Variants in COMP observed in about 807,000 individuals in gnomAD.
COMP encodes the protein cartilage oligomeric matrix protein.
A neutral mutation model predicts 95.8 loss-of-function variants in COMP; 79 were observed. That is an observed-to-expected ratio of 0.82 (90% CI 0.69 to 0.99). The LOEUF (loss-of-function observed/expected upper bound fraction) is 0.99. COMP is among the 50% of genes least tolerant of loss of function. The pLI is 0.00. For missense variants in COMP, 906 were observed against 1,076.1 expected, an observed-to-expected ratio of 0.84 and a Z score of 2.21; for synonymous variants, 438 against 433.9, an observed-to-expected ratio of 1.01 and a Z score of -0.12.
Position 18,782,848 on chromosome 19 carries a change from T to G in COMP, c.*67A>C. On this transcript the variant is annotated 3_prime_UTR_variant, in exon 19 of 19. Transcript: ENST00000222271. ...CCTCAGGACGGCCACCCCTTGGGGC[T>G]GGGTGCAGAGCCCCCATCCAGCCGC... 1 of 1,576,214 alleles carries G rather than the reference T, an allele frequency of 6.3e-7. No homozygotes were observed. The highest frequency in any genetic ancestry group is 8.7e-7 in the Non-Finnish European group (1 of 1,155,482).
chr19:18,785,309 C>T (rs1381954841), intron 15 of COMP, among the ~76,000 whole-genome samples, 189 bp downstream of exon 15: 1 of 151,524 alleles, frequency 6.6e-6, no homozygotes, highest in Non-Finnish European at 1.5e-5. Context: ...CCGAGCCCGC[C>T]CCTCCTCTGG....
In COMP at chr19:18,790,108, T is replaced by C; in HGVS notation, c.224A>G (p.Gln75Arg). The C allele has an allele frequency of 6.5e-7, 1 of 1,528,684 alleles. No homozygotes were observed. The highest frequency in any genetic ancestry group is 8.8e-7 in the Non-Finnish European group (1 of 1,140,306). The allele number at this position is 1,528,684 out of a possible 1,614,324, so 94.7% of individuals were successfully genotyped here. A position where few individuals can be genotyped will look rare whatever the true frequency, so the allele number is the denominator to read the frequency against. ...TVMECDACGMQQSVRTGLPSV... is the reference protein window; with the variant it reads ...TVMECDACGMRQSVRTGLPSV... ...GGGTAGGCCGGTGCGTACTGACTGC[T>C]GCATCCCTGCGGGGGGGAGGGGGGA... is the stretch of plus-strand genomic sequence containing the variant. The change falls in exon 4 of 19, where the codon CAG becomes CGG. Residue 75 changes from glutamine to arginine, a missense_variant. Gln to Arg is a conservative substitution (Grantham distance 43). Transcript: ENST00000222271.
chr19:18,784,319 A>G lies in COMP; in HGVS notation c.1959T>C (p.Ala653=). The G allele has an allele frequency of 6.2e-7, 1 of 1,614,034 alleles. No individual in the cohort carries two copies. The highest frequency in any genetic ancestry group is 8.5e-7 in the Non-Finnish European group (1 of 1,180,032). ...STGPGEQLRN[A]LWHTGDTESQ... is the part of the protein sequence containing the mutation. ...ACTCTGTGTCTCCTGTATGCCACAGAGCGTTCCGCAGCTGTTCCCCGGGGC... is the reference window on the plus strand; with the variant it reads ...ACTCTGTGTCTCCTGTATGCCACAGGGCGTTCCGCAGCTGTTCCCCGGGGC... The change falls in exon 17 of 19, where the codon GCT becomes GCC. Residue 653 remains alanine (A), a synonymous_variant. Transcript: ENST00000222271. The surrounding 1 kb of genome is among the most constrained non-coding windows in gnomAD (Gnocchi z 4.9).
intron 11 of COMP, 88 bp from the exon 12 acceptor site, chr19:18,786,379 C>A (rs1292161647): frequency 3.1e-6 from 5 of 1,594,310 alleles, no homozygotes; most frequent in East Asian, 4.5e-5. Context: ...CCAAGGTCCT[C>A]CTGACCCCAA....
chr19:18,788,353 G>A lies in COMP; in HGVS notation c.868-34C>T. 6.2e-7 allele frequency: 1 copy of A among 1,607,590 alleles called. No individual in the cohort carries two copies. The highest frequency in any genetic ancestry group is 8.5e-7 in the Non-Finnish European group (1 of 1,178,880). ...GGGCACAGAAGGTGTGAGGGGCGCG[G>A]TCATGAAGTCCCGCCCTCCCTCCTG... On this transcript the variant is annotated intron_variant, in intron 8 of 18. Transcript: ENST00000222271. This position sits in a 1 kb window ranked among gnomAD's most constrained non-coding sequence, Gnocchi z 4.7.
In COMP at chr19:18,788,830, G is replaced by C. The variant is rs1284668829; in HGVS notation, c.603+9C>G. On this transcript the variant is annotated intron_variant, in intron 6 of 18. Coordinates refer to ENST00000222271, the MANE Select transcript of COMP (RefSeq NM_000095.3). This position sits in a 1 kb window ranked among gnomAD's most constrained non-coding sequence, Gnocchi z 4.7. ...CCGCGATCCTTTCTTCCTCCCCAGC[G>C]GGCCTTACCCGGGTGTTGATGCACA... is the stretch of plus-strand genomic sequence containing the variant. 6.2e-7 allele frequency: 1 copy of C among 1,613,712 alleles called. No individual in the cohort carries two copies. Among genetic ancestry groups the C allele is most frequent in the Admixed American group, 1.7e-5 (1 of 59,988 alleles).
chr19:18,787,586 G>T lies in COMP; in HGVS notation c.1040C>A (p.Ala347Glu), dbSNP rs775435999. Residue 347 changes from alanine to glutamate, a missense_variant, in exon 10 of 19, where the codon GCG becomes GAG. Transcript: ENST00000222271. ...RNTDEDKWGDACDNCRSQKND... is the reference protein window; with the variant it reads ...RNTDEDKWGDECDNCRSQKND... ...CTTCTGGGACCGGCAGTTGTCGCAC[G>T]CATCGCCCCACTTGTCCTCGTCCGT... is the stretch of plus-strand genomic sequence containing the variant. The T allele has an allele frequency of 2.5e-6, 4 of 1,614,012 alleles. No homozygotes were observed. Among genetic ancestry groups the T allele is most frequent in the Non-Finnish European group, 3.4e-6 (4 of 1,180,026 alleles).
In COMP at chr19:18,782,886, T is replaced by C. The variant is rs1475069071; in HGVS notation, c.*29A>G. On this transcript the variant is annotated 3_prime_UTR_variant, in exon 19 of 19. Transcript: ENST00000222271. ...CCCATCCAGCCGCGGTGAGGGTGGC[T>C]GTCATCCGGCGGGTCCTCACCCTGG... is the stretch of plus-strand genomic sequence containing the variant. 2 of 1,608,936 alleles carry C rather than the reference T, an allele frequency of 1.2e-6. No individual in the cohort carries two copies. The highest frequency in any genetic ancestry group is 2.2e-5 in the East Asian group (1 of 44,872).
chr19:18,784,212 C>T lies in COMP; in HGVS notation c.2066G>A (p.Arg689Gln), dbSNP rs759480798. 5.6e-6 allele frequency: 9 copies of T among 1,613,766 alleles called. No individual in the cohort carries two copies. The highest frequency in any genetic ancestry group is 1.1e-5 in the South Asian group (1 of 91,060). Residue 689 changes from arginine (R) to glutamine (Q), a missense_variant, in exon 17 of 19, where the codon CGG becomes CAG. Arg to Gln is a conservative substitution (Grantham distance 43). Transcript: ENST00000222271. This position sits in a 1 kb window ranked among gnomAD's most constrained non-coding sequence, Gnocchi z 4.9. ...KKSYRWFLQHRPQVGYIRVRF... is the reference protein window; with the variant it reads ...KKSYRWFLQHQPQVGYIRVRF... ...CCACCTGATGTAGCCCACTTGGGGC[C>T]GGTGCTGCAGGAACCAACGATAGGA...
Position 18,784,705 on chromosome 19 carries a change from A to G in COMP, c.1914+191T>C, listed in dbSNP as rs1312525538. On this transcript the variant is annotated intron_variant, in intron 16 of 18. Coordinates refer to ENST00000222271, the MANE Select transcript of COMP (RefSeq NM_000095.3). The surrounding 1 kb of genome is among the most constrained non-coding windows in gnomAD (Gnocchi z 4.9). ...ATAGGAAGACTGGGGGGCCCTGAGA[A>G]TGTTTGAGAATTTGTGCAAGGAACT... Among the ~76,000 whole-genome samples the G allele has an allele frequency of 6.6e-6, 1 of 151,780 alleles. No individual in the cohort carries two copies. Among genetic ancestry groups the G allele is most frequent in the Non-Finnish European group, 1.5e-5 (1 of 67,978 alleles).
Position 18,784,056 on chromosome 19 carries a change from C to T in COMP, c.2087+135G>A, listed in dbSNP as rs2055146608. ...CACCACGCCTGGACCAGCATAGGCT[C>T]ATTCTAACTGCCCTGTATCTTTCCT... On this transcript the variant is annotated intron_variant, in intron 17 of 18. Coordinates refer to ENST00000222271, the MANE Select transcript of COMP (RefSeq NM_000095.3). This position sits in a 1 kb window ranked among gnomAD's most constrained non-coding sequence, Gnocchi z 4.9. 2 of 999,182 alleles carry T rather than the reference C, an allele frequency of 2.0e-6. No individual in the cohort carries two copies. The highest frequency in any genetic ancestry group is 3.1e-6 in the Non-Finnish European group (2 of 647,078). The allele number at this position is 999,182 out of a possible 1,614,324, so 61.9% of individuals were successfully genotyped here. A position where few individuals can be genotyped will look rare whatever the true frequency, so the allele number is the denominator to read the frequency against.
Position 18,787,547 on chromosome 19 carries a change from T to G in COMP, c.1079A>C (p.Lys360Thr), listed in dbSNP as rs1601055792. 1 of 1,613,404 alleles carries G rather than the reference T, an allele frequency of 6.2e-7. No homozygotes were observed. Among genetic ancestry groups the G allele is most frequent in the Non-Finnish European group, 8.5e-7 (1 of 1,179,890 alleles). Reference protein sequence around the residue: ...NCRSQKNDDQKDTDQDGRGDA... With the variant: ...NCRSQKNDDQTDTDQDGRGDA... ...GCCCCGGCCGTCCTGGTCTGTGTCC[T>G]TTTGGTCGTCGTTCTTCTGGGACCG... Residue 360 changes from lysine (K) to threonine (T), a missense_variant, in exon 10 of 19, where the codon AAG (lysine) becomes ACG (threonine). Coordinates refer to ENST00000222271, the MANE Select transcript of COMP (RefSeq NM_000095.3).
Position 18,784,398 on chromosome 19 carries a change from G to A in COMP, c.1915-35C>T, listed in dbSNP as rs773598513. On this transcript the variant is annotated intron_variant, in intron 16 of 18. Transcript: ENST00000222271. This position sits in a 1 kb window ranked among gnomAD's most constrained non-coding sequence, Gnocchi z 4.9. ...CCCAGGAAAGGTGGTCAGAGACCTC[G>A]TGGGCCACCGGAGCCCCCCTAGACA... The A allele has an allele frequency of 4.2e-5, 67 of 1,612,548 alleles. No homozygotes were observed. Among genetic ancestry groups the A allele is most frequent in the Non-Finnish European group, 5.0e-5 (59 of 1,179,392 alleles).
intron 10 of COMP, chr19:18,787,164 G>C: frequency 2.1e-6 from 1 of 469,094 alleles, no homozygotes; most frequent in Non-Finnish European, 3.9e-6. Context: ...GGGTGCCCGT[G>C]TGTGCCACCC....
At position 18,782,922 on chromosome 19, in the gene COMP, T is replaced by C. The variant is rs61752496; in HGVS notation, c.2267A>G (p.Gln756Arg). Residue 756 changes from glutamine (Q) to arginine (R), a missense_variant, in exon 19 of 19, where the codon CAA becomes CGA. Physicochemically the swap from Gln to Arg is conservative, Grantham distance 43. Coordinates refer to ENST00000222271, the MANE Select transcript of COMP (RefSeq NM_000095.3). The part of the protein sequence containing the change: ...PEDYETHQLR[Q>R]A ...GGGTCCTCACCCTGGTCCCTAGGCT[T>C]GCCGCAGCTGATGGGTCTCATAGTC... The C allele has an allele frequency of 0.012, 19,283 of 1,611,810 alleles. 1,656 individuals carry two copies. In the African/African-American group the frequency reaches 0.21, roughly 17 times the overall value.
At position 18,783,156 on chromosome 19, in the gene COMP, T is replaced by C. The variant is rs1219787441; in HGVS notation, c.2125A>G (p.Ser709Gly). 6.2e-6 allele frequency: 10 copies of C among 1,610,118 alleles called. No homozygotes were observed. Among genetic ancestry groups the C allele is most frequent in the Non-Finnish European group, 8.5e-6 (10 of 1,180,012 alleles). The change falls in exon 18 of 19, where the codon AGC (serine) becomes GGC (glycine). Residue 709 changes from serine (S) to glycine (G), a missense_variant. Transcript: ENST00000222271. ...FYEGPELVAD[S>G]NVVLDTTMRG... ...ATGGTTGTGTCCAAGACCACGTTGC[T>C]GTCGGCCACCAGCTCAGGGCCCTCA... is the stretch of plus-strand genomic sequence containing the variant.
chr19:18,788,863 G>A lies in COMP; in HGVS notation c.579C>T (p.Pro193=). ...ECETGQHNCV[P]NSVCINTRGS... ...CCCGGGTGTTGATGCACACGGAGTT[G>A]GGGACGCAGTTATGTTGCCCGGTCT... Residue 193 remains proline, a synonymous_variant, in exon 6 of 19, where the codon CCC becomes CCT. Coordinates refer to ENST00000222271, the MANE Select transcript of COMP (RefSeq NM_000095.3). The surrounding 1 kb of genome is among the most constrained non-coding windows in gnomAD (Gnocchi z 4.7). 1 of 1,613,940 alleles carries A rather than the reference G, an allele frequency of 6.2e-7. No individual in the cohort carries two copies. Among genetic ancestry groups the A allele is most frequent in the Non-Finnish European group, 8.5e-7 (1 of 1,179,976 alleles).
rs375959061 is a variant in COMP, at chr19:18,790,629, G to C, written c.166-16C>G. 16 of 1,613,726 alleles carry C rather than the reference G, an allele frequency of 9.9e-6. No homozygotes were observed. The highest frequency in any genetic ancestry group is 1.3e-5 in the Non-Finnish European group (15 of 1,179,874). On this transcript the variant is annotated splice_polypyrimidine_tract_variant and intron_variant, in intron 2 of 18. Transcript: ENST00000222271. ...TCTCCCTGACCTGCAGGGGTGGGAT[G>C]GAATCAGCGGGGTCCCAACCTCTCC...
At position 18,784,832 on chromosome 19, in the gene COMP, G is replaced by A. The variant is rs2055153124; in HGVS notation, c.1914+64C>T. 5 of 1,572,088 alleles carry A rather than the reference G, an allele frequency of 3.2e-6. No homozygotes were observed. The highest frequency in any genetic ancestry group is 4.4e-6 in the Non-Finnish European group (5 of 1,149,240). ...TGGGGGGCTCTAAGGGCTGTAAAGG[G>A]TTTTACGGAGGGTCATGGGAGGGCA... On this transcript the variant is annotated intron_variant, in intron 16 of 18. Transcript: ENST00000222271. The surrounding 1 kb of genome is among the most constrained non-coding windows in gnomAD (Gnocchi z 4.9).
Sources: allele counts gnomAD v4.1 joint callset (sites outside exome capture counted in the v4.1 genomes callset), GRCh38; gene constraint gnomAD v4.1.1; non-coding constraint Gnocchi (gnomAD v3.1); transcripts MANE v1.5; gene names NCBI Gene and HGNC (gene_info 2026-07-23, HGNC 2026-07-21).